Variants in SLC24A3 observed in about 807,000 individuals in gnomAD.
SLC24A3 encodes the protein sodium/potassium/calcium exchanger 3.
A neutral mutation model predicts 75.8 loss-of-function variants in SLC24A3; 28 were observed. The observed-to-expected ratio is 0.37, with a 90% CI of 0.27 to 0.51. SLC24A3 has a LOEUF of 0.51. SLC24A3 is among the 20% of genes least tolerant of loss of function. The probability of loss-of-function intolerance (pLI) is 0.94; values close to 1 mark genes in which losing one functional copy is unlikely to be tolerated. For synonymous variants in SLC24A3, 372 were observed against 334.1 expected, an observed-to-expected ratio of 1.11 and a Z score of -1.24; for missense variants, 663 against 847.8, an observed-to-expected ratio of 0.78 and a Z score of 2.71.
chr20:19,559,371 T>G (rs2030838255), intron 3 of SLC24A3, among the ~76,000 whole-genome samples: 1 of 152,236 alleles, frequency 6.6e-6, no homozygotes, highest in African/African-American at 2.4e-5. Flanking sequence ...CTTCATAAGA[T>G]ACATAGCTTG....
intron 2 of SLC24A3, among the ~76,000 whole-genome samples, chr20:19,370,810 A>G (rs1985978941): frequency 6.6e-6 from 1 of 152,136 alleles, no homozygotes; most frequent in Admixed American, 6.5e-5. Context: ...TCATCATGGG[A>G]GTTCTCACAG....
At chr20:19,308,633 A>AT (rs1381644003) in intron 2 of SLC24A3, among the ~76,000 whole-genome samples, 3 of 152,176 alleles carry the variant, frequency 2.0e-5, no homozygotes, top group African/African-American at 4.8e-5. Context: ...TTATTGAGCG[A>AT]TTTTTTATTA....
chr20:19,523,016 C>T (rs189209117), intron 3 of SLC24A3, among the ~76,000 whole-genome samples: 62 of 152,168 alleles, frequency 4.1e-4, no homozygotes, highest in African/African-American at 1.4e-3. Flanking sequence ...CTACTAATGA[C>T]GTGGTCTTGT....
At chr20:19,482,188 A>T (rs1335581263) in intron 2 of SLC24A3, among the ~76,000 whole-genome samples, 1 of 152,120 alleles carries the variant, frequency 6.6e-6, no homozygotes, top group African/African-American at 2.4e-5. Context: ...GAAGACCAAC[A>T]CTTCAACCTG....
intron 12 of SLC24A3, among the ~76,000 whole-genome samples, chr20:19,689,249 A>C (rs932045855): frequency 6.6e-6 from 1 of 152,230 alleles, no homozygotes; most frequent in African/African-American, 2.4e-5. Flanking sequence ...ATCGGAACAA[A>C]TGTATATGTT....
At chr20:19,517,733 G>A (rs908375074) in intron 3 of SLC24A3, among the ~76,000 whole-genome samples, 4 of 152,198 alleles carry the variant, frequency 2.6e-5, no homozygotes, top group African/African-American at 4.8e-5. Flanking sequence ...CACCCAAATA[G>A]CCATGAGCCT....
At chr20:19,548,733 C>T (rs1166793431) in intron 3 of SLC24A3, among the ~76,000 whole-genome samples, 2 of 152,246 alleles carry the variant, frequency 1.3e-5, no homozygotes, top group African/African-American at 4.8e-5. Context: ...TAATCTTCCT[C>T]TTTTAAGGTC....
chr20:19,445,089 G>A (rs1470900046), intron 2 of SLC24A3, among the ~76,000 whole-genome samples: 3 of 152,130 alleles, frequency 2.0e-5, no homozygotes, highest in East Asian at 1.9e-4. Context: ...AACCAGAACT[G>A]ACCTTTTTCA....
chr20:19,569,735 C>A (rs901138527), intron 3 of SLC24A3, among the ~76,000 whole-genome samples: 1 of 152,144 alleles, frequency 6.6e-6, no homozygotes, highest in East Asian at 1.9e-4. Context: ...CTGTGATCAT[C>A]TACATGCTCT....
chr20:19,421,718 G>T (rs952741775), intron 2 of SLC24A3, among the ~76,000 whole-genome samples: 2 of 152,236 alleles, frequency 1.3e-5, no homozygotes, highest in African/African-American at 2.4e-5. Context: ...AAAAAAAAGT[G>T]GGGGGACAGA....
At chr20:19,560,340 C>G (rs2030856003) in intron 3 of SLC24A3, among the ~76,000 whole-genome samples, 1 of 152,180 alleles carries the variant, frequency 6.6e-6, no homozygotes, top group South Asian at 2.1e-4. Context: ...ACTCCTGTCT[C>G]TCTGTTGTTG....
intron 2 of SLC24A3, among the ~76,000 whole-genome samples, chr20:19,456,114 G>A (rs974548123): frequency 4.6e-5 from 7 of 152,180 alleles, no homozygotes; most frequent in Middle Eastern, 3.4e-3. Context: ...TCTGTAACAC[G>A]TTTCTTAAAG....
At position 19,551,809 on chromosome 20, in the gene SLC24A3, C is replaced by G. The variant is rs548885860; in HGVS notation, c.349-28191C>G. On this transcript the variant is annotated intron_variant, in intron 3 of 16. Transcript: ENST00000328041. ...TCAGCTACAAGAATCTGCTTCATTA[C>G]TTTCATCCTCCTTCCCTCCACTGCC... 2.6e-5 allele frequency among the ~76,000 whole-genome samples: 4 copies of G among 152,266 alleles called. No individual in the cohort carries two copies. In the East Asian group the frequency reaches 7.7e-4, roughly 29 times the overall value.
chr20:19,317,496 T>A (rs1485723737), intron 2 of SLC24A3, among the ~76,000 whole-genome samples: 1 of 152,202 alleles, frequency 6.6e-6, no homozygotes, highest in African/African-American at 2.4e-5. Context: ...AGGAAAAAGA[T>A]CACTTCAGGA....
At chr20:19,427,356 G>A (rs994540894) in intron 2 of SLC24A3, among the ~76,000 whole-genome samples, 2 of 152,100 alleles carry the variant, frequency 1.3e-5, no homozygotes, top group African/African-American at 2.4e-5. Context: ...TACTTTTGTC[G>A]GGTGAACAAG....
chr20:19,619,338 A>G (rs535625171), intron 6 of SLC24A3, among the ~76,000 whole-genome samples: 1 of 152,260 alleles, frequency 6.6e-6, no homozygotes, highest in Non-Finnish European at 1.5e-5. Flanking sequence ...GAGACCATAC[A>G]TGGAGAGAGA....
At chr20:19,433,071 T>A (rs1987132618) in intron 2 of SLC24A3, among the ~76,000 whole-genome samples, 3 of 152,170 alleles carry the variant, frequency 2.0e-5, no homozygotes, top group Admixed American at 2.0e-4. Context: ...ATATAGATAT[T>A]TTATCTTGTG....
At chr20:19,586,218 C>G (rs554350528) in intron 6 of SLC24A3, among the ~76,000 whole-genome samples, 1 of 152,316 alleles carries the variant, frequency 6.6e-6, no homozygotes, top group African/African-American at 2.4e-5. Flanking sequence ...CAAGCCTACA[C>G]TGCAGCAGCA....
chr20:19,705,787 T>TAACC (rs1331123037), intron 15 of SLC24A3, among the ~76,000 whole-genome samples: 1 of 152,178 alleles, frequency 6.6e-6, no homozygotes, highest in Non-Finnish European at 1.5e-5. Flanking sequence ...GTGCATGGCA[T>TAACC]TAGGTTTAAG....
Sources: gnomAD v4.1 joint callset for allele counts (sites outside exome capture counted in the v4.1 genomes callset) on GRCh38, gnomAD v4.1.1 for gene constraint, MANE v1.5 for transcripts, NCBI Gene and HGNC (gene_info 2026-07-23, HGNC 2026-07-21) for gene names.